Variants in NOS1AP observed in about 807,000 individuals in gnomAD.
NOS1AP encodes the protein carboxyl-terminal PDZ ligand of neuronal nitric oxide synthase protein.
A neutral mutation model predicts 56.2 loss-of-function variants in NOS1AP; 21 were observed. The ratio of observed to expected loss-of-function variants is 0.37; its 90% CI spans 0.26 to 0.54. The LOEUF is 0.54. Ranked by LOEUF, NOS1AP falls within the 20% of genes least tolerant of loss-of-function variation. The pLI, the probability that NOS1AP is intolerant of heterozygous loss-of-function variation, is 0.84. For missense variants in NOS1AP, 522 were observed against 657.8 expected (o/e 0.79, Z 2.26); for synonymous variants, 270 against 274.6 (o/e 0.98, Z 0.17).
intron 1 of NOS1AP, among the ~76,000 whole-genome samples, chr1:162,119,161 A>G (rs930605190): frequency 5.9e-5 from 9 of 152,180 alleles, no homozygotes; most frequent in African/African-American, 2.2e-4. Context: ...GTTTCCTGTC[A>G]TAATAACCGG....
At chr1:162,317,819 T>C (rs1656279805) in intron 4 of NOS1AP, 1 of 152,264 alleles carries the variant, frequency 6.6e-6, no homozygotes, top group Non-Finnish European at 1.5e-5. Context: ...ATGGGTGAAA[T>C]GCAGGTCTGG....
At chr1:162,150,228 T>C (rs1169754356) in intron 1 of NOS1AP, among the ~76,000 whole-genome samples, 4 of 151,034 alleles carry the variant, frequency 2.6e-5, no homozygotes, top group Admixed American at 2.0e-4. Context: ...AGTGAAAACA[T>C]GTGAAGTTTG....
chr1:162,217,550 C>G (rs1423989348), intron 2 of NOS1AP, among the ~76,000 whole-genome samples: 1 of 152,106 alleles, frequency 6.6e-6, no homozygotes, highest in Non-Finnish European at 1.5e-5. Flanking sequence ...CAGGCGTGAG[C>G]CACTGTGCCT....
At chr1:162,359,719 C>CGG (rs5778269) in intron 8 of NOS1AP, among the ~76,000 whole-genome samples, 2,016 of 148,836 alleles carry the variant, frequency 0.014, 57 homozygotes, top group African/African-American at 0.048. Context: ...TTTCTCTACG[C>CGG]GGGGGGGGGC....
intron 2 of NOS1AP, among the ~76,000 whole-genome samples, chr1:162,219,291 T>C (rs1652687500): frequency 6.6e-6 from 1 of 152,222 alleles, no homozygotes; most frequent in Non-Finnish European, 1.5e-5. Context: ...TAGCTATTAG[T>C]AGCAGTCGTC....
At chr1:162,133,588 TGATA>T (rs1347300615) in intron 1 of NOS1AP, among the ~76,000 whole-genome samples, 1 of 152,248 alleles carries the variant, frequency 6.6e-6, no homozygotes, top group Non-Finnish European at 1.5e-5. Flanking sequence ...CCCTTTTACA[TGATA>T]GATGAATCTG....
chr1:162,268,957 C>T (rs1223999069), intron 2 of NOS1AP, among the ~76,000 whole-genome samples: 1 of 152,068 alleles, frequency 6.6e-6, no homozygotes, highest in Non-Finnish European at 1.5e-5. Flanking sequence ...AGAACCAATA[C>T]AAGAAAAACT....
At chr1:162,338,825 T>C (rs964081828) in intron 5 of NOS1AP, 1 of 152,210 alleles carries the variant, frequency 6.6e-6, no homozygotes, top group African/African-American at 2.4e-5. Context: ...CGGCTTTTGT[T>C]TGCTTTCGGG....
intron 2 of NOS1AP, among the ~76,000 whole-genome samples, chr1:162,179,975 A>G (rs12135795): frequency 0.44 from 67,100 of 152,080 alleles, 18,146 homozygotes; most frequent in Non-Finnish European, 0.61. Flanking sequence ...GCTGGCAAGA[A>G]TGTAGGGGCC....
intron 1 of NOS1AP, among the ~76,000 whole-genome samples, chr1:162,117,324 T>C (rs974810456): frequency 6.6e-6 from 1 of 152,210 alleles, no homozygotes; most frequent in African/African-American, 2.4e-5. Flanking sequence ...TGCTGCTTAA[T>C]GGATTGCGGC....
chr1:162,280,342 T>G (rs1279869885), intron 2 of NOS1AP, among the ~76,000 whole-genome samples: 1 of 152,236 alleles, frequency 6.6e-6, no homozygotes, highest in Non-Finnish European at 1.5e-5. Flanking sequence ...GTTACAAGAA[T>G]AGCTATACTT....
At chr1:162,143,463 T>G (rs1007745537) in intron 1 of NOS1AP, among the ~76,000 whole-genome samples, 7 of 152,176 alleles carry the variant, frequency 4.6e-5, no homozygotes, top group African/African-American at 1.7e-4. Flanking sequence ...TTTATAATAT[T>G]TTCTAAACTA....
intron 7 of NOS1AP, among the ~76,000 whole-genome samples, chr1:162,356,263 T>G (rs773858411): frequency 1.3e-5 from 2 of 152,240 alleles, no homozygotes; most frequent in Non-Finnish European, 2.9e-5. Flanking sequence ...CATGGAATTC[T>G]ATGAATCGTA....
At chr1:162,340,576 A>G (rs1413436034) in intron 5 of NOS1AP, among the ~76,000 whole-genome samples, 2 of 152,194 alleles carry the variant, frequency 1.3e-5, no homozygotes, top group Admixed American at 6.5e-5. Context: ...AGCATTTACT[A>G]TATGCCAGGC....
At chr1:162,336,028 A>G (rs1203057611) in intron 5 of NOS1AP, among the ~76,000 whole-genome samples, 1 of 152,130 alleles carries the variant, frequency 6.6e-6, no homozygotes, top group Non-Finnish European at 1.5e-5. Context: ...TTTTTTTTCA[A>G]GTGGGCTTTC....
chr1:162,221,528 A>G (rs1209928019), intron 2 of NOS1AP, among the ~76,000 whole-genome samples: 16 of 59,530 alleles, frequency 2.7e-4, no homozygotes, highest in Admixed American at 9.4e-4. Context: ...ACGCACACAC[A>G]CGCGCGCACA....
intron 1 of NOS1AP, among the ~76,000 whole-genome samples, chr1:162,070,640 A>G (rs1214259638): frequency 1.3e-5 from 2 of 152,072 alleles, no homozygotes; most frequent in East Asian, 3.9e-4. Flanking sequence ...GAATCGGTTT[A>G]AGGAAGCTCT....
At chr1:162,144,282 G>A (rs1281613362) in intron 1 of NOS1AP, among the ~76,000 whole-genome samples, 1 of 152,216 alleles carries the variant, frequency 6.6e-6, no homozygotes, top group Non-Finnish European at 1.5e-5. Context: ...TGAAGTATTA[G>A]CATGGTGGTA....
Position 162,109,637 on chromosome 1 carries a change from G to A in NOS1AP, c.105+39355G>A, listed in dbSNP as rs150109730. On this transcript the variant is annotated intron_variant, in intron 1 of 9. Coordinates refer to ENST00000361897, the MANE Select transcript of NOS1AP (RefSeq NM_014697.3). ...AGTGGTAAAACATTAAATGAAAATAGCATTCTTAGCATAAATAGGGCTCAG... is the reference window on the plus strand; with the variant it reads ...AGTGGTAAAACATTAAATGAAAATAACATTCTTAGCATAAATAGGGCTCAG... Among the ~76,000 whole-genome samples the A allele has an allele frequency of 2.6e-5, 4 of 152,134 alleles. No individual in the cohort carries two copies. The East Asian group carries it at 7.7e-4, about 29-fold the overall frequency.
Sources: allele counts gnomAD v4.1 joint callset (sites outside exome capture counted in the v4.1 genomes callset), GRCh38; gene constraint gnomAD v4.1.1; transcripts MANE v1.5; gene names NCBI Gene and HGNC (gene_info 2026-07-23, HGNC 2026-07-21).